The following CLIP3 variants were observed in gnomAD, a reference collection of about 807,000 sequenced individuals.
The protein encoded by CLIP3 is CAP-Gly domain containing linker protein 3.
CLIP3 carries 15 observed loss-of-function variants against 59.4 expected under a neutral mutation model. The observed-to-expected ratio is 0.25, with a 90% confidence interval of 0.17 to 0.39. The LOEUF is 0.39. Ranked by LOEUF, CLIP3 falls within the 10% of genes least tolerant of loss-of-function variation. The probability of loss-of-function intolerance (pLI) is 1.00; values close to 1 mark genes in which losing one functional copy is unlikely to be tolerated. For synonymous variants in CLIP3, 300 were observed against 321.6 expected, an observed-to-expected ratio of 0.93 and a Z score of 0.72; for missense variants, 495 against 765.7, an observed-to-expected ratio of 0.65 and a Z score of 4.17.
chr19:36,027,099 C>G (rs141854649), intron 3 of CLIP3, 33 bp downstream of exon 3: 2 of 1,590,790 alleles, frequency 1.3e-6, no homozygotes, highest in Non-Finnish European at 1.7e-6. Context: ...GGAACCGCAT[C>G]CCCTCTCCCC....
At chr19:36,031,151 G>A (rs939951189) in intron 2 of CLIP3, among the ~76,000 whole-genome samples, 1 of 150,550 alleles carries the variant, frequency 6.6e-6, no homozygotes, top group African/African-American at 2.4e-5. Flanking sequence ...GAGTGGCTGG[G>A]ATTACAGACA....
At chr19:36,018,080 C>A in intron 9 of CLIP3, 89 bp from the exon 10 acceptor site, 4 of 1,449,012 alleles carry the variant, frequency 2.8e-6, no homozygotes, top group Non-Finnish European at 3.8e-6. Context: ...AGGTAGAAAA[C>A]CCTGTTCTTC....
chr19:36,031,008 C>CTTTTTTTTTTTTTTTCTTTTTTTTTTT (rs374690845), intron 2 of CLIP3, among the ~76,000 whole-genome samples: 10 of 77,840 alleles, frequency 1.3e-4, no homozygotes, highest in Non-Finnish European at 1.6e-4. Flanking sequence ...TTTTTCTTTT[C>CTTTTTTTTTTTTTTTCTTTTTTTTTTT]TTTTTTTTTT....
At position 36,017,900 on chromosome 19, in the gene CLIP3, C is replaced by T. The variant is rs763334433; in HGVS notation, c.1275G>A (p.Ala425=). 6.2e-6 allele frequency: 10 copies of T among 1,613,970 alleles called. No homozygotes were observed. The highest frequency in any genetic ancestry group is 2.2e-5 in the East Asian group (1 of 44,892). ...KAEVGDQVLV[A]GQKQGIVRFY... is the part of the protein sequence containing the mutation. ...AGCGCACGATCCCCTGCTTCTGGCC[C>T]GCGACAAGGACCTGGTCTCCAACCT... The change falls in exon 10 of 14, where the codon GCG becomes GCA. Residue 425 remains alanine, a synonymous_variant. Transcript: ENST00000360535.
chr19:36,021,662 G>A (rs535930080), intron 7 of CLIP3, among the ~76,000 whole-genome samples: 2 of 151,782 alleles, frequency 1.3e-5, no homozygotes, highest in African/African-American at 2.4e-5. Context: ...GGGCTCAAGC[G>A]ATCCTTCTGC....
chr19:36,025,367 G>C (rs1969074406), intron 6 of CLIP3, among the ~76,000 whole-genome samples: 1 of 151,578 alleles, frequency 6.6e-6, no homozygotes, highest in Non-Finnish European at 1.5e-5. Context: ...GAGGTGGGCA[G>C]ATCACCTGAG....
intron 7 of CLIP3, among the ~76,000 whole-genome samples, chr19:36,019,672 G>A (rs148716524): frequency 2.7e-5 from 4 of 149,770 alleles, no homozygotes; most frequent in African/African-American, 7.4e-5. Flanking sequence ...GCACGATCTC[G>A]GCTCACTGCA....
At chr19:36,018,428 A>G (rs1599693714) in intron 9 of CLIP3, among the ~76,000 whole-genome samples, 2 of 152,084 alleles carry the variant, frequency 1.3e-5, no homozygotes, top group East Asian at 3.9e-4. Flanking sequence ...AAAAAAATAC[A>G]AACATTAGCC....
chr19:36,025,181 G>A (rs1340970646), intron 6 of CLIP3, among the ~76,000 whole-genome samples: 2 of 152,134 alleles, frequency 1.3e-5, no homozygotes, highest in Admixed American at 1.3e-4. Flanking sequence ...GGGCCTGGGG[G>A]TGTAGGCAGT....
Position 36,026,224 on chromosome 19 carries a change from G to C in CLIP3, c.604C>G (p.Leu202Val). 1 of 1,613,796 alleles carries C rather than the reference G, an allele frequency of 6.2e-7. No homozygotes were observed. Among genetic ancestry groups the C allele is most frequent in the Non-Finnish European group, 8.5e-7 (1 of 1,179,976 alleles). Residue 202 changes from leucine to valine, a missense_variant, in exon 6 of 14, where the codon CTG becomes GTG. Coordinates refer to ENST00000360535, the MANE Select transcript of CLIP3 (RefSeq NM_015526.3). This position sits in a 1 kb window ranked among gnomAD's most constrained non-coding sequence, Gnocchi z 6.3. Reference protein sequence around the residue: ...TCSDFNHGSALHIAASSLCLG... With the variant: ...TCSDFNHGSAVHIAASSLCLG... ...CACAGGCTGGAAGCAGCGATGTGCA[G>C]GGCTGAGCCGTGGTTGAAGTCACTG...
rs1413659385 is a variant in CLIP3 at position 36,019,607 on chromosome 19, A to ATTTTT, written c.919-306_919-302dup. On this transcript the variant is annotated intron_variant, in intron 7 of 13. Transcript: ENST00000360535. ...ATTTATTTATTTATTTATTTTATTT[A>ATTTTT]TTTTTTTTTTTTTCGAGACAGCGTC... 7.4e-4 allele frequency among the ~76,000 whole-genome samples: 87 copies of ATTTTT among 117,576 alleles called. 1 individual carries two copies. The highest frequency in any genetic ancestry group is 2.8e-3 in the South Asian group (11 of 3,986). The allele number at this position is 117,576 out of a possible 152,430, so 77.1% of individuals were successfully genotyped here.
rs756562897 is a variant in CLIP3 at position 36,024,388 on chromosome 19, C to T, written c.918+8G>A. 1.1e-5 allele frequency: 17 copies of T among 1,611,236 alleles called. No homozygotes were observed. Among genetic ancestry groups the T allele is most frequent in the Middle Eastern group, 1.9e-4 (1 of 5,338 alleles). On this transcript the variant is annotated splice_region_variant and intron_variant, in intron 7 of 13. Transcript: ENST00000360535. ...CCCACCATGCAAACACACATCCCAG[C>T]CCCTGACCTTCTGGCCATCCAGCAG...
At chr19:36,019,612 T>TTA (rs1968903151) in intron 7 of CLIP3, among the ~76,000 whole-genome samples, 2 of 150,598 alleles carry the variant, frequency 1.3e-5, no homozygotes, top group African/African-American at 4.9e-5. Flanking sequence ...TATTTATTTT[T>TTA]TTTTTTTTCG....
At chr19:36,017,604 G>C in intron 11 of CLIP3, 51 bp downstream of exon 11, 1 of 1,611,046 alleles carries the variant, frequency 6.2e-7, no homozygotes, top group Non-Finnish European at 8.5e-7. Flanking sequence ...TCTGAGGGGG[G>C]ATCAGGGCTC....
chr19:36,028,682 A>T (rs1005027702), intron 2 of CLIP3, among the ~76,000 whole-genome samples: 1 of 152,078 alleles, frequency 6.6e-6, no homozygotes, highest in Non-Finnish European at 1.5e-5. Flanking sequence ...CCAGCTCCCA[A>T]CCCATCCAGA....
chr19:36,016,555 C>T lies in CLIP3; in HGVS notation c.1590-343G>A, dbSNP rs984264337. ...TAGAGACGGGGTTTCACCATGTTGG[C>T]CAGGCTGGTCTTGAACTCCTGACCT... is the stretch of plus-strand genomic sequence containing the variant. On this transcript the variant is annotated intron_variant, in intron 13 of 13. Coordinates refer to ENST00000360535, the MANE Select transcript of CLIP3 (RefSeq NM_015526.3). The surrounding 1 kb of genome is among the most constrained non-coding windows in gnomAD (Gnocchi z 4.1). Among the ~76,000 whole-genome samples, 4 of 152,156 alleles carry T rather than the reference C, an allele frequency of 2.6e-5. No homozygotes were observed. Among genetic ancestry groups the T allele is most frequent in the Non-Finnish European group, 5.9e-5 (4 of 68,030 alleles).
intron 7 of CLIP3, among the ~76,000 whole-genome samples, chr19:36,021,861 G>A (rs188974435): frequency 6.6e-6 from 1 of 152,084 alleles, no homozygotes; most frequent in East Asian, 1.9e-4. Context: ...AATTAGTGCT[G>A]ATCTTTTTTT....
At position 36,015,815 on chromosome 19, in the gene CLIP3, T is replaced by C. The variant is rs1299333974; in HGVS notation, c.*343A>G. ...AGGTTTCTGATCCAGGGTTGGGTGA[T>C]TCAAGAATGTTCTGTTGTAATGCAT... On this transcript the variant is annotated 3_prime_UTR_variant, in exon 14 of 14. Coordinates refer to ENST00000360535, the MANE Select transcript of CLIP3 (RefSeq NM_015526.3). 4 of 331,008 alleles carry C rather than the reference T, an allele frequency of 1.2e-5. No homozygotes were observed. The highest frequency in any genetic ancestry group is 2.3e-5 in the Non-Finnish European group (4 of 174,610). The allele number at this position is 331,008 out of a possible 1,614,324, so 20.5% of individuals were successfully genotyped here. A position where few individuals can be genotyped will look rare whatever the true frequency, so the allele number is the denominator to read the frequency against.
intron 9 of CLIP3, among the ~76,000 whole-genome samples, chr19:36,018,348 G>A (rs1215330343): frequency 2.6e-5 from 4 of 152,140 alleles, no homozygotes; most frequent in African/African-American, 9.7e-5. Flanking sequence ...AGAGGCCGAG[G>A]CGGGCAGATC....
Sources: gnomAD v4.1 joint callset for allele counts (sites outside exome capture counted in the v4.1 genomes callset) on GRCh38, gnomAD v4.1.1 for gene constraint, Gnocchi (gnomAD v3.1) non-coding constraint, MANE v1.5 for transcripts, NCBI Gene and HGNC (gene_info 2026-07-23, HGNC 2026-07-21) for gene names.